DECR2: variants seen among roughly 807,000 people sequenced by gnomAD.
DECR2 encodes the protein 2,4-dienoyl-CoA reductase 2, also known as peroxisomal 2,4-dienoyl-CoA reductase [(3E)-enoyl-CoA-producing].
DECR2 carries 34 observed loss-of-function variants against 29.2 expected under a neutral mutation model. The observed-to-expected ratio is 1.16, with a 90% CI of 0.89 to 1.55. DECR2 has a LOEUF of 1.55. DECR2 is among the 40% of genes most tolerant of loss of function. The pLI, the probability that DECR2 is intolerant of heterozygous loss-of-function variation, is 0.00. For synonymous variants in DECR2, 224 were observed against 182.7 expected, an observed-to-expected ratio of 1.23 and a Z score of -1.82; for missense variants, 485 against 425.3, an observed-to-expected ratio of 1.14 and a Z score of -1.23.
In DECR2 at chr16:407,419, TTC is replaced by T. The variant is rs1201961647; in HGVS notation, c.202-4_202-3del. The T allele has an allele frequency of 2.5e-6, 4 of 1,604,792 alleles. No homozygotes were observed. Among genetic ancestry groups the T allele is most frequent in the Non-Finnish European group, 3.4e-6 (4 of 1,177,644 alleles). ...GCTGCTGTCTGCCTCTTTACCTGGC[TTC>T]TAGGCCGCCAGGAAGCTGGCTGGGG... On this transcript the variant is annotated splice_polypyrimidine_tract_variant and splice_region_variant and intron_variant, in intron 3 of 8. Transcript: ENST00000219481.
chr16:405,721 G>C, intron 2 of DECR2: 1 of 722,082 alleles, frequency 1.4e-6, no homozygotes, highest in Non-Finnish European at 2.2e-6. Flanking sequence ...GCTGTGAGAC[G>C]GGCGTCTCCA....
chr16:407,159 G>A (rs2054735070), intron 3 of DECR2: 1 of 1,278,736 alleles, frequency 7.8e-7, no homozygotes, highest in Non-Finnish European at 9.9e-7. Flanking sequence ...CTGCAGCAGG[G>A]GCAGGACATG....
In DECR2 at chr16:410,414, T is replaced by G. The variant is rs1450484756; in HGVS notation, c.462+47T>G. ...TGAGAAGTTCTTCCGGGTGGGTGCC[T>G]CGTGCGCTCTGTGAGAAGTTCTTCC... is the stretch of plus-strand genomic sequence containing the variant. On this transcript the variant is annotated intron_variant, in intron 5 of 8. Transcript: ENST00000219481. The surrounding 1 kb of genome is among the most constrained non-coding windows in gnomAD (Gnocchi z 4.1). 2 of 1,589,322 alleles carry G rather than the reference T, an allele frequency of 1.3e-6. No homozygotes were observed. The highest frequency in any genetic ancestry group is 1.7e-6 in the Non-Finnish European group (2 of 1,164,480).
In DECR2 at chr16:410,633, G is replaced by A; in HGVS notation, c.463-58G>A. 1 of 1,510,662 alleles carries A rather than the reference G, an allele frequency of 6.6e-7. No individual in the cohort carries two copies. The highest frequency in any genetic ancestry group is 9.0e-7 in the Non-Finnish European group (1 of 1,110,070). 93.6% of individuals were successfully genotyped at this position (1,510,662 alleles called of 1,614,324 possible). On this transcript the variant is annotated intron_variant, in intron 5 of 8. Transcript: ENST00000219481. This position sits in a 1 kb window ranked among gnomAD's most constrained non-coding sequence, Gnocchi z 4.1. ...TCCCCCTGACAGCCACCCGCTCACT[G>A]TCCTGTGACCTCCCCCGACACCCGC...
At chr16:411,617 C>T (rs1347438195) in intron 8 of DECR2, 39 bp downstream of exon 8, 6 of 1,576,940 alleles carry the variant, frequency 3.8e-6, no homozygotes, top group Non-Finnish European at 4.3e-6. Flanking sequence ...CATCTGTGTC[C>T]TTGGACGCTG....
At chr16:404,873 C>G (rs915299846) in intron 1 of DECR2, 83 bp from the exon 2 acceptor site, 2 of 1,363,222 alleles carry the variant, frequency 1.5e-6, no homozygotes, top group Non-Finnish European at 2.1e-6. Context: ...TGTGGCCCAC[C>G]CACCTTGGCC....
In DECR2 at chr16:410,794, C is replaced by T. The variant is rs200015511; in HGVS notation, c.556+10C>T. 10 of 1,374,496 alleles carry T rather than the reference C, an allele frequency of 7.3e-6. No homozygotes were observed. Among genetic ancestry groups the T allele is most frequent in the Admixed American group, 2.1e-5 (1 of 47,078 alleles). 85.1% of individuals were successfully genotyped at this position (1,374,496 alleles called of 1,614,324 possible). A position where few individuals can be genotyped will look rare whatever the true frequency, so the allele number is the denominator to read the frequency against. ...GCCAAGGCCGCTGTGGGTATGACCACCCCCCCCCGCCCAGGTTTGCCCACG... is the reference window on the plus strand; with the variant it reads ...GCCAAGGCCGCTGTGGGTATGACCATCCCCCCCCGCCCAGGTTTGCCCACG... On this transcript the variant is annotated intron_variant, in intron 6 of 8. Coordinates refer to ENST00000219481, the MANE Select transcript of DECR2 (RefSeq NM_020664.4). The surrounding 1 kb of genome is among the most constrained non-coding windows in gnomAD (Gnocchi z 4.1).
intron 2 of DECR2, chr16:405,483 T>C (rs763830982): frequency 8.6e-6 from 11 of 1,278,308 alleles, no homozygotes; most frequent in African/African-American, 1.5e-5. Flanking sequence ...GGAAGAGATA[T>C]GGCCTTTCCA....
At chr16:405,397 C>A (rs2054712895) in intron 2 of DECR2, 2 of 626,826 alleles carry the variant, frequency 3.2e-6, no homozygotes, top group Non-Finnish European at 4.8e-6. Context: ...TAGAGTTAGG[C>A]TGGGGTGGGG....
intron 7 of DECR2, 31 bp downstream of exon 7, chr16:411,107 C>A: frequency 1.4e-6 from 2 of 1,471,028 alleles, no homozygotes; most frequent in Admixed American, 2.7e-5. Context: ...AGGCCTCCCA[C>A]AGATCCTCTC....
At chr16:411,156 G>T (rs2054814272) in intron 7 of DECR2, 80 bp downstream of exon 7, 1 of 1,376,090 alleles carries the variant, frequency 7.3e-7, no homozygotes, top group Non-Finnish European at 9.6e-7. Flanking sequence ...CAGAACCTTG[G>T]CAGGGTGTAT....
chr16:411,837 G>A (rs946265936), intron 8 of DECR2, 53 bp from the exon 9 acceptor site: 8 of 469,586 alleles, frequency 1.7e-5, no homozygotes, highest in African/African-American at 1.2e-4. Flanking sequence ...CAGCCGAGGT[G>A]TTTTAGGGGG....
Position 405,011 on chromosome 16 carries a change from G to C in DECR2, c.136G>C (p.Glu46Gln). Reference protein sequence around the residue: ...GGSGIGFRIAEIFMRHGCHTV... With the variant: ...GGSGIGFRIAQIFMRHGCHTV... ...CTCTGGGATTGGGTTCCGGATTGCT[G>C]AGATTTTCATGCGGTGAGACTGCTC... Residue 46 changes from glutamate to glutamine, a missense_variant, in exon 2 of 9, where the codon GAG becomes CAG. Transcript: ENST00000219481. 6.2e-7 allele frequency: 1 copy of C among 1,614,116 alleles called. No homozygotes were observed. The highest frequency in any genetic ancestry group is 2.2e-5 in the East Asian group (1 of 44,886).
Position 412,336 on chromosome 16 carries a change from C to T in DECR2, c.*447C>T, listed in dbSNP as rs2054827184. 1 of 152,266 alleles carries T rather than the reference C, an allele frequency of 6.6e-6. No individual in the cohort carries two copies. Among genetic ancestry groups the T allele is most frequent in the Non-Finnish European group, 1.5e-5 (1 of 68,064 alleles). 9.4% of individuals were successfully genotyped at this position (152,266 alleles called of 1,614,324 possible). ...GCCCACAAGGTCCGCCCCTCTGTCT[C>T]TGCACCACCTGTTTGCATAAACACA... is the stretch of plus-strand genomic sequence containing the variant. On this transcript the variant is annotated 3_prime_UTR_variant, in exon 9 of 9. Coordinates refer to ENST00000219481, the MANE Select transcript of DECR2 (RefSeq NM_020664.4).
At position 410,176 on chromosome 16, in the gene DECR2, T is replaced by C; in HGVS notation, c.338-67T>C. 1 of 1,572,784 alleles carries C rather than the reference T, an allele frequency of 6.4e-7. No homozygotes were observed. The highest frequency in any genetic ancestry group is 8.6e-7 in the Non-Finnish European group (1 of 1,157,906). On this transcript the variant is annotated intron_variant, in intron 4 of 8. Coordinates refer to ENST00000219481, the MANE Select transcript of DECR2 (RefSeq NM_020664.4). The surrounding 1 kb of genome is among the most constrained non-coding windows in gnomAD (Gnocchi z 4.1). Reference sequence around the variant, plus strand: ...TCCTGCACCCTCCGCTCTGCCCACCTGGCCACCACCCACTTGGCATCCCTC... The same window carrying C: ...TCCTGCACCCTCCGCTCTGCCCACCCGGCCACCACCCACTTGGCATCCCTC...
chr16:402,471 G>T (rs1283076689), intron 1 of DECR2, among the ~76,000 whole-genome samples: 1 of 151,918 alleles, frequency 6.6e-6, no homozygotes, highest in African/African-American at 2.4e-5. Context: ...ATTTTAGGTT[G>T]AAATCATTTT....
chr16:407,329 G>A (rs749667778), intron 3 of DECR2, 96 bp from the exon 4 acceptor site: 114 of 1,488,008 alleles, frequency 7.7e-5, no homozygotes, highest in Non-Finnish European at 9.5e-5. Flanking sequence ...CAGGGTCCCC[G>A]AGGAACCCGG....
chr16:410,899 G>A lies in DECR2; in HGVS notation c.557-73G>A, dbSNP rs1318187338. 58 of 1,536,012 alleles carry A rather than the reference G, an allele frequency of 3.8e-5. No homozygotes were observed. The highest frequency in any genetic ancestry group is 1.0e-4 in the Admixed American group (5 of 50,152). The stretch of plus-strand genomic sequence containing the variant: ...GAAGCTGAGCCCAGCTGCAGGCAGC[G>A]AGACCTGGCCTTGGCCCTGCGCCCT... On this transcript the variant is annotated intron_variant, in intron 6 of 8. Coordinates refer to ENST00000219481, the MANE Select transcript of DECR2 (RefSeq NM_020664.4). This position sits in a 1 kb window ranked among gnomAD's most constrained non-coding sequence, Gnocchi z 4.1.
In DECR2 at chr16:410,171, C is replaced by A. The variant is rs1463955171; in HGVS notation, c.338-72C>A. The stretch of plus-strand genomic sequence containing the variant: ...CTCCCTCCTGCACCCTCCGCTCTGC[C>A]CACCTGGCCACCACCCACTTGGCAT... On this transcript the variant is annotated intron_variant, in intron 4 of 8. Transcript: ENST00000219481. The surrounding 1 kb of genome is among the most constrained non-coding windows in gnomAD (Gnocchi z 4.1). The A allele has an allele frequency of 1.3e-6, 2 of 1,565,870 alleles. No homozygotes were observed. Among genetic ancestry groups the A allele is most frequent in the South Asian group, 2.3e-5 (2 of 86,522 alleles).
Sources: allele counts gnomAD v4.1 joint callset (sites outside exome capture counted in the v4.1 genomes callset), GRCh38; gene constraint gnomAD v4.1.1; non-coding constraint Gnocchi (gnomAD v3.1); transcripts MANE v1.5; gene names NCBI Gene and HGNC (gene_info 2026-07-23, HGNC 2026-07-21).